MRC1: variants seen among roughly 807,000 people sequenced by gnomAD.
MRC1 encodes mannose receptor C-type 1.
MRC1 carries 62 observed loss-of-function variants against 102.9 expected under a neutral mutation model. The observed-to-expected ratio is 0.60, with a 90% CI of 0.49 to 0.74. MRC1 has a LOEUF of 0.74. Among genes scored for constraint, MRC1 ranks in the 30% least tolerant of loss-of-function variants. The pLI is 0.00. For missense variants in MRC1, 1,237 were observed against 862.8 expected (o/e 1.43, Z -5.43); for synonymous variants, 457 against 298.4 (o/e 1.53, Z -5.48).
At chr10:17,889,939 G>T (rs1833650511) in intron 22 of MRC1, among the ~76,000 whole-genome samples, 1 of 151,974 alleles carries the variant, frequency 6.6e-6, no homozygotes, top group African/African-American at 2.4e-5. Flanking sequence ...TATCTATATA[G>T]ACCTGAGTTT....
intron 21 of MRC1, among the ~76,000 whole-genome samples, 178 bp from the exon 22 acceptor site, chr10:17,885,091 C>T (rs1458822988): frequency 2.6e-5 from 4 of 152,136 alleles, no homozygotes; most frequent in Admixed American, 1.3e-4. Context: ...AAGTCCAAAG[C>T]GCAAGTGACA....
chr10:17,813,289 G>A (rs1589161022), intron 1 of MRC1, among the ~76,000 whole-genome samples: 2 of 152,256 alleles, frequency 1.3e-5, no homozygotes, highest in African/African-American at 4.8e-5. Context: ...CATTTGGCTG[G>A]AAGGGATCCA....
intron 15 of MRC1, among the ~76,000 whole-genome samples, chr10:17,872,883 A>G (rs1017317725): frequency 2.6e-5 from 4 of 152,156 alleles, no homozygotes; most frequent in South Asian, 2.1e-4. Flanking sequence ...ATGGAACTGC[A>G]TTGCCCTCTG....
intron 4 of MRC1, among the ~76,000 whole-genome samples, chr10:17,839,930 G>A (rs1838725065): frequency 6.6e-6 from 1 of 151,862 alleles, no homozygotes. Flanking sequence ...GCCAGGCGTG[G>A]TGGCGGTCAC....
chr10:17,837,368 A>G (rs1838683029), intron 4 of MRC1, among the ~76,000 whole-genome samples: 1 of 152,204 alleles, frequency 6.6e-6, no homozygotes, highest in South Asian at 2.1e-4. Context: ...CAGGGAATTT[A>G]AAAAATAGGG....
chr10:17,906,491 C>G (rs926762382), intron 26 of MRC1, among the ~76,000 whole-genome samples: 1 of 152,080 alleles, frequency 6.6e-6, no homozygotes, highest in Non-Finnish European at 1.5e-5. Context: ...TCTGTTTCCT[C>G]TATCCTCCCT....
intron 22 of MRC1, among the ~76,000 whole-genome samples, chr10:17,892,986 G>C (rs1319783253): frequency 5.0e-4 from 74 of 149,142 alleles, no homozygotes; most frequent in Non-Finnish European, 9.8e-4. Context: ...ATCCAGCCTG[G>C]CGACAGAGCG....
At chr10:17,909,427 C>A in intron 29 of MRC1, 80 bp downstream of exon 29, 2 of 785,182 alleles carry the variant, frequency 2.5e-6, no homozygotes, top group Non-Finnish European at 4.6e-6. Flanking sequence ...ATCATAATCC[C>A]TTCCAACTCC....
At chr10:17,898,548 G>A (rs1318298454) in intron 24 of MRC1, among the ~76,000 whole-genome samples, 1 of 152,190 alleles carries the variant, frequency 6.6e-6, no homozygotes, top group Non-Finnish European at 1.5e-5. Context: ...AATCTCAACA[G>A]TTTAATTTAT....
intron 11 of MRC1, 47 bp downstream of exon 11, chr10:17,863,729 G>A (rs1833219796): frequency 2.6e-6 from 2 of 771,058 alleles, no homozygotes; most frequent in African/African-American, 3.4e-5. Flanking sequence ...CTACGAATCT[G>A]TTAGATAAAG....
At chr10:17,856,436 T>G (rs1833094380) in intron 9 of MRC1, 84 bp downstream of exon 9, 3 of 780,708 alleles carry the variant, frequency 3.8e-6, no homozygotes, top group Non-Finnish European at 6.7e-6. Flanking sequence ...TGAAAGTGCC[T>G]TGTTATTGCA....
intron 8 of MRC1, among the ~76,000 whole-genome samples, chr10:17,855,077 G>A (rs1416715460): frequency 6.6e-6 from 1 of 152,170 alleles, no homozygotes; most frequent in East Asian, 1.9e-4. Context: ...GAAAAGAGAG[G>A]GGATAGAATC....
intron 1 of MRC1, among the ~76,000 whole-genome samples, chr10:17,811,591 C>T (rs1419000483): frequency 6.6e-6 from 1 of 151,950 alleles, no homozygotes; most frequent in African/African-American, 2.4e-5. Flanking sequence ...AGACTGGTTT[C>T]ACTCTGTCAC....
intron 4 of MRC1, among the ~76,000 whole-genome samples, chr10:17,834,987 C>T (rs961174543): frequency 6.6e-6 from 1 of 152,210 alleles, no homozygotes; most frequent in Non-Finnish European, 1.5e-5. Context: ...TGTGGCTTCT[C>T]ATTTCCCATC....
intron 29 of MRC1, 75 bp downstream of exon 29, chr10:17,909,422 A>G (rs2130728319): frequency 1.3e-6 from 1 of 794,818 alleles, no homozygotes; most frequent in South Asian, 1.4e-5. Flanking sequence ...GCATAATCAT[A>G]ATCCCTTCCA....
At chr10:17,875,384 G>A (rs1833415957) in intron 17 of MRC1, 131 bp downstream of exon 17, 1 of 691,770 alleles carries the variant, frequency 1.4e-6, no homozygotes, top group South Asian at 1.7e-5. Context: ...AGTATACGCT[G>A]TACTGAATGT....
intron 9 of MRC1, among the ~76,000 whole-genome samples, 160 bp downstream of exon 9, chr10:17,856,512 C>T (rs1420921834): frequency 1.3e-5 from 2 of 152,112 alleles, no homozygotes; most frequent in African/African-American, 4.8e-5. Flanking sequence ...TCACTGTTCT[C>T]CTTAAAGTTT....
At chr10:17,860,832 A>G (rs1298660970) in intron 9 of MRC1, among the ~76,000 whole-genome samples, 1 of 152,190 alleles carries the variant, frequency 6.6e-6, no homozygotes, top group Non-Finnish European at 1.5e-5. Flanking sequence ...AAGATACATT[A>G]TAAGTGGAGA....
At chr10:17,837,018 A>G (rs985840790) in intron 4 of MRC1, among the ~76,000 whole-genome samples, 4 of 152,282 alleles carry the variant, frequency 2.6e-5, no homozygotes, top group African/African-American at 7.2e-5. Flanking sequence ...TCCACCAGCT[A>G]CAGAGAAGGA....
Sources: gnomAD v4.1 joint callset for allele counts (sites outside exome capture counted in the v4.1 genomes callset) on GRCh38, gnomAD v4.1.1 for gene constraint, MANE v1.5 for transcripts, NCBI Gene and HGNC (gene_info 2026-07-23, HGNC 2026-07-21) for gene names.